The following FUT8 variants were observed in gnomAD, a reference collection of about 807,000 sequenced individuals.
The protein encoded by FUT8 is alpha-(1,6)-fucosyltransferase.
Under a neutral mutation model 71.3 loss-of-function variants are expected in FUT8, and 29 were observed. That is an observed-to-expected ratio of 0.41 (90% CI 0.30 to 0.55). The LOEUF (loss-of-function observed/expected upper bound fraction) is 0.55, where lower values mean the gene tolerates loss of function less well. FUT8 is among the 20% of genes least tolerant of loss of function. FUT8 has a pLI of 0.34. For synonymous variants in FUT8, 254 were observed against 239.3 expected, an observed-to-expected ratio of 1.06 and a Z score of -0.57; for missense variants, 544 against 702.1, an observed-to-expected ratio of 0.77 and a Z score of 2.55.
At chr14:65,674,301 G>T (rs115925384) in intron 7 of FUT8, among the ~76,000 whole-genome samples, 73 of 152,240 alleles carry the variant, frequency 4.8e-4, no homozygotes, top group African/African-American at 1.8e-3. Flanking sequence ...ATATTAGACT[G>T]TGAGTCTGAT....
At chr14:65,605,963 AAGG>A (rs1011210822) in intron 3 of FUT8, among the ~76,000 whole-genome samples, 21 of 151,992 alleles carry the variant, frequency 1.4e-4, no homozygotes, top group African/African-American at 5.1e-4. Flanking sequence ...TACAGATTTG[AAGG>A]AGTTCTTTAT....
At chr14:65,540,384 G>C (rs74058505) in intron 2 of FUT8, among the ~76,000 whole-genome samples, 3,647 of 152,292 alleles carry the variant, frequency 0.024, 112 homozygotes, top group East Asian at 0.092. Context: ...CTAAAAGACA[G>C]TGGCTCAGCT....
chr14:65,604,886 C>T (rs1258956182), intron 3 of FUT8, among the ~76,000 whole-genome samples: 2 of 151,974 alleles, frequency 1.3e-5, no homozygotes, highest in African/African-American at 4.8e-5. Flanking sequence ...TGCATACCTC[C>T]TGTCCACATT....
chr14:65,613,826 A>G (rs1384349292), intron 3 of FUT8, among the ~76,000 whole-genome samples: 1 of 152,106 alleles, frequency 6.6e-6, no homozygotes, highest in African/African-American at 2.4e-5. Flanking sequence ...TCAAAAGGCT[A>G]TGTTGGCTGG....
At chr14:65,414,999 A>G (rs1349974470) in intron 1 of FUT8, among the ~76,000 whole-genome samples, 1 of 152,212 alleles carries the variant, frequency 6.6e-6, no homozygotes, top group Non-Finnish European at 1.5e-5. Flanking sequence ...GGAATCGAAA[A>G]AAACAAAACA....
At position 65,471,363 on chromosome 14, in the gene FUT8, A is replaced by T. The variant is rs571325166; in HGVS notation, c.-228+15645A>T. 3.5e-3 allele frequency among the ~76,000 whole-genome samples: 532 copies of T among 152,022 alleles called. 2 individuals carry two copies. The highest frequency in any genetic ancestry group is 0.012 in the African/African-American group (505 of 41,484). On this transcript the variant is annotated intron_variant, in intron 2 of 10. Coordinates refer to ENST00000673929, the MANE Select transcript of FUT8 (RefSeq NM_001371533.1). ...CTGGTAAAATAGTTTCCTTTTCTGG[A>T]ATACCTTTTAAGAGAAATAAAGTTC...
intron 2 of FUT8, among the ~76,000 whole-genome samples, chr14:65,531,117 G>A (rs1051765599): frequency 1.3e-5 from 2 of 151,464 alleles, no homozygotes; most frequent in Admixed American, 6.6e-5. Context: ...GAATGCTAAT[G>A]TAAATTGGTG....
At chr14:65,394,489 C>A in the FUT8 span, among the ~76,000 whole-genome samples, 1 of 152,150 alleles carries the variant, frequency 6.6e-6, no homozygotes. Context: ...ATTTCAAAAC[C>A]AATCATGCCT....
At chr14:65,432,893 C>T (rs1263576145) in intron 1 of FUT8, among the ~76,000 whole-genome samples, 1 of 152,046 alleles carries the variant, frequency 6.6e-6, no homozygotes, top group Non-Finnish European at 1.5e-5. Context: ...ACCAACAGCC[C>T]CCGAGACTGC....
chr14:65,669,463 C>T lies in FUT8; in HGVS notation c.818C>T (p.Ser273Phe). ...ACATGCACAGACAGATCTGGCATCT[C>T]CACTGGACACTGGTCAGGTAAGGAG... ...SETCTDRSGI[S>F]TGHWSGEVKD... Residue 273 changes from serine to phenylalanine, a missense_variant, in exon 7 of 11, where the codon TCC (serine) becomes TTC (phenylalanine). Ser to Phe is a radical substitution (Grantham distance 155, BLOSUM62 -2). Transcript: ENST00000673929. This position sits in a 1 kb window ranked among gnomAD's most constrained non-coding sequence, Gnocchi z 4.5. The T allele has an allele frequency of 6.2e-7, 1 of 1,612,286 alleles. No homozygotes were observed. The highest frequency in any genetic ancestry group is 8.5e-7 in the Non-Finnish European group (1 of 1,178,546).
In FUT8 at chr14:65,561,705, G is replaced by A. The variant is rs1397477564; in HGVS notation, c.142G>A (p.Ala48Thr). 2 of 1,613,524 alleles carry A rather than the reference G, an allele frequency of 1.2e-6. No homozygotes were observed. The highest frequency in any genetic ancestry group is 2.2e-5 in the East Asian group (1 of 44,854). ...HSSRELSKIL[A>T]KLERLKQQNE... Reference sequence around the variant, plus strand: ...TAGCCGAGAACTGTCCAAGATTCTGGCAAAGCTTGAACGCTTAAAACAACA... The same window carrying A: ...TAGCCGAGAACTGTCCAAGATTCTGACAAAGCTTGAACGCTTAAAACAACA... Residue 48 changes from alanine to threonine, a missense_variant, in exon 3 of 11, where the codon GCA becomes ACA. Ala to Thr is a moderately conservative substitution (Grantham distance 58). Transcript: ENST00000673929.
At chr14:65,726,292 C>T (rs1366858546) in intron 9 of FUT8, among the ~76,000 whole-genome samples, 1 of 152,208 alleles carries the variant, frequency 6.6e-6, no homozygotes, top group African/African-American at 2.4e-5. Context: ...CAAATTAATT[C>T]ATGCTCACTT....
chr14:65,662,847 C>A (rs1444631774), intron 6 of FUT8, among the ~76,000 whole-genome samples: 2 of 152,128 alleles, frequency 1.3e-5, no homozygotes, highest in Non-Finnish European at 2.9e-5. Flanking sequence ...GGACCAAAAT[C>A]ATATCTTTAA....
intron 6 of FUT8, among the ~76,000 whole-genome samples, chr14:65,633,296 C>T (rs983684151): frequency 9.2e-5 from 14 of 152,346 alleles, no homozygotes; most frequent in Admixed American, 7.8e-4. Context: ...GCCTGGATTG[C>T]AGACGGAGTC....
At position 65,733,234 on chromosome 14, in the gene FUT8, C is replaced by T. The variant is rs1041255368; in HGVS notation, c.1263C>T (p.Tyr421=). The change falls in exon 10 of 11, where the codon TAC becomes TAT. Residue 421 remains tyrosine, a synonymous_variant. Transcript: ENST00000673929. ...ATAAATTAATTTATTTTTTCAGGTA[C>T]CCCAATTATGAATTTATTAGTGATA... ...PSLLKEAKTK[Y]PNYEFISDNS... is the part of the protein sequence containing the mutation. The T allele has an allele frequency of 8.2e-6, 13 of 1,582,164 alleles. No homozygotes were observed. Among genetic ancestry groups the T allele is most frequent in the Non-Finnish European group, 9.5e-6 (11 of 1,159,186 alleles).
intron 2 of FUT8, among the ~76,000 whole-genome samples, chr14:65,548,571 C>G (rs1885107494): frequency 6.6e-6 from 1 of 151,836 alleles, no homozygotes; most frequent in African/African-American, 2.4e-5. Context: ...GAAAAATATG[C>G]TTTCATTTTT....
At chr14:65,473,555 T>C (rs2066181938) in intron 2 of FUT8, among the ~76,000 whole-genome samples, 2 of 152,230 alleles carry the variant, frequency 1.3e-5, no homozygotes, top group Admixed American at 6.5e-5. Context: ...AAAAATGATC[T>C]CCTATATGTG....
intron 7 of FUT8, among the ~76,000 whole-genome samples, chr14:65,677,142 GTGTGTGTGTGCGCGCGCGCA>G (rs1458761226): frequency 1.8e-5 from 2 of 112,540 alleles, no homozygotes; most frequent in Admixed American, 9.6e-5. Context: ...GTGTGTGTGT[GTGTGTGTGTGCGCGCGCGCA>G]TGCGCGCGCA....
the FUT8 span, among the ~76,000 whole-genome samples, chr14:65,383,835 G>A: frequency 6.6e-6 from 1 of 152,178 alleles, no homozygotes; most frequent in Admixed American, 6.5e-5. Flanking sequence ...AAGAGTGGTT[G>A]AGATAACCAA....
Sources: allele counts gnomAD v4.1 joint callset (sites outside exome capture counted in the v4.1 genomes callset), GRCh38; gene constraint gnomAD v4.1.1; non-coding constraint Gnocchi (gnomAD v3.1); transcripts MANE v1.5; gene names NCBI Gene and HGNC (gene_info 2026-07-23, HGNC 2026-07-21).